Variants in ZNF785 observed in about 807,000 individuals in gnomAD.
The protein encoded by ZNF785 is zinc finger protein 785.
Under a neutral mutation model 11.3 loss-of-function variants are expected in ZNF785, and 15 were observed. That is an observed-to-expected ratio of 1.32 (90% CI 0.89 to 2.04). ZNF785 has a LOEUF of 2.04. Among genes scored for constraint, ZNF785 ranks in the 30% most tolerant of loss-of-function variants. The pLI is 0.00. For missense variants in ZNF785, 572 were observed against 560.9 expected (o/e 1.02, Z -0.20); for synonymous variants, 221 against 231.0 (o/e 0.96, Z 0.39).
chr16:30,579,753 G>A (rs1205795488), downstream of ZNF785: 1 of 453,128 alleles, frequency 2.2e-6, no homozygotes, highest in African/African-American at 2.0e-5. Context: ...TTGAGTCACT[G>A]ACCACCAGTC....
At chr16:30,578,977 G>A (rs1408667946), downstream of ZNF785, 1 of 151,452 alleles carries the variant, frequency 6.6e-6, no homozygotes, top group South Asian at 2.1e-4. Flanking sequence ...ATTTTTAGTA[G>A]AAATGAGGTC....
rs1432945421 is a variant in ZNF785 at position 30,583,161 on chromosome 16, T to A, written c.617A>T (p.Gln206Leu). The change falls in exon 3 of 3, where the codon CAG becomes CTG. Residue 206 changes from glutamine to leucine, a missense_variant. Physicochemically the swap from Gln to Leu is moderately radical, Grantham distance 113. Transcript: ENST00000395216. ...GTACCTGCGCTGGGAGAAACGCGCC[T>A]GACACTGGCCGCAGGAGAAGGGCCG... Reference protein sequence around the residue: ...GERPFSCGQCQARFSQRRYLL... With the variant: ...GERPFSCGQCLARFSQRRYLL... 6.2e-7 allele frequency: 1 copy of A among 1,613,422 alleles called. No individual in the cohort carries two copies.
Position 30,585,318 on chromosome 16 carries a change from C to A in ZNF785, c.206-68G>T. On this transcript the variant is annotated intron_variant, in intron 1 of 2. Transcript: ENST00000395216. The surrounding 1 kb of genome is among the most constrained non-coding windows in gnomAD (Gnocchi z 4.0). ...GGAGAATGAGACTGCTCCCTCGGCG[C>A]CCCGCTTCCAGCCCACTAGCCTCTG... The A allele has an allele frequency of 2.5e-6, 4 of 1,588,122 alleles. No individual in the cohort carries two copies. The highest frequency in any genetic ancestry group is 3.4e-6 in the Non-Finnish European group (4 of 1,168,408).
intron 2 of ZNF785, among the ~76,000 whole-genome samples, chr16:30,584,468 G>A (rs1391568600): frequency 2.0e-5 from 3 of 152,082 alleles, no homozygotes; most frequent in African/African-American, 7.2e-5. Context: ...TGGCCAAGAT[G>A]GTGAAAGCCC....
In ZNF785 at chr16:30,582,587, A is replaced by C. The variant is rs753883544; in HGVS notation, c.1191T>G (p.Phe397Leu). 4.3e-6 allele frequency: 7 copies of C among 1,614,074 alleles called. No individual in the cohort carries two copies. The South Asian group carries it at 6.6e-5, about 15-fold the overall frequency. The change falls in exon 3 of 3, where the codon TTT (phenylalanine) becomes TTG (leucine). Residue 397 changes from phenylalanine (F) to leucine (L), a missense_variant. Physicochemically the swap from Phe to Leu is conservative, Grantham distance 22 (BLOSUM62 0). Transcript: ENST00000395216. ...GKDPPVHFRHFPDIFQECG is the reference protein window; with the variant it reads ...GKDPPVHFRHLPDIFQECG Reference sequence around the variant, plus strand: ...ACCCACACTCTTGAAATATATCTGGAAAGTGCCGGAAGTGAACTGGGGGAT... The same window carrying C: ...ACCCACACTCTTGAAATATATCTGGCAAGTGCCGGAAGTGAACTGGGGGAT...
downstream of ZNF785, chr16:30,578,654 G>C (rs998769196): frequency 2.6e-5 from 4 of 152,168 alleles, no homozygotes; most frequent in African/African-American, 9.7e-5. Flanking sequence ...CTCCCGAGTA[G>C]CTGTGATTAC....
chr16:30,583,568 A>G (rs2051851084), intron 2 of ZNF785, 125 bp from the exon 3 acceptor site: 2 of 1,327,962 alleles, frequency 1.5e-6, no homozygotes, highest in African/African-American at 2.9e-5. Flanking sequence ...GGAATGGTTC[A>G]GAATATGGCG....
rs772341927 is a variant in ZNF785, at chr16:30,583,038, C to G, written c.740G>C (p.Arg247Thr). Residue 247 changes from arginine (R) to threonine (T), a missense_variant, in exon 3 of 3, where the codon AGG becomes ACG. Coordinates refer to ENST00000395216, the MANE Select transcript of ZNF785 (RefSeq NM_152458.7). ...AGGCTTCTCCCCGGTGTGAGCCCGC[C>G]TGTGGATAGCCAGGGAACCCCTCTG... Reference protein sequence around the residue: ...FRQRGSLAIHRRAHTGEKPYA... With the variant: ...FRQRGSLAIHTRAHTGEKPYA... 14 of 1,613,834 alleles carry G rather than the reference C, an allele frequency of 8.7e-6. No individual in the cohort carries two copies. In the East Asian group the frequency reaches 3.1e-4, roughly 36 times the overall value.
chr16:30,585,029 G>T lies in ZNF785; in HGVS notation c.334+93C>A. The T allele has an allele frequency of 6.7e-7, 1 of 1,498,298 alleles. No individual in the cohort carries two copies. Among genetic ancestry groups the T allele is most frequent in the South Asian group, 1.3e-5 (1 of 76,162 alleles). The allele number at this position is 1,498,298 out of a possible 1,614,324, so 92.8% of individuals were successfully genotyped here. A position where few individuals can be genotyped will look rare whatever the true frequency, so the allele number is the denominator to read the frequency against. ...GGGGTAGGGTGCAGGGAGACAGGATGGGACTTTGGAGGGGGCAGCCTGCGC... is the reference window on the plus strand; with the variant it reads ...GGGGTAGGGTGCAGGGAGACAGGATTGGACTTTGGAGGGGGCAGCCTGCGC... On this transcript the variant is annotated intron_variant, in intron 2 of 2. Transcript: ENST00000395216. This position sits in a 1 kb window ranked among gnomAD's most constrained non-coding sequence, Gnocchi z 4.0.
chr16:30,579,170 C>T (rs2151234738), downstream of ZNF785: 1 of 152,468 alleles, frequency 6.6e-6, no homozygotes, highest in Non-Finnish European at 1.5e-5. Flanking sequence ...CTGCAACTTA[C>T]TTTGAAATAC....
At position 30,583,202 on chromosome 16, in the gene ZNF785, C is replaced by T. The variant is rs2051844224; in HGVS notation, c.576G>A (p.Arg192=). 1 of 1,613,566 alleles carries T rather than the reference C, an allele frequency of 6.2e-7. No homozygotes were observed. The change falls in exon 3 of 3, where the codon CGG becomes CGA. Residue 192 remains arginine, a synonymous_variant. Transcript: ENST00000395216. ...AGAAGGGCCGCTCCCCGGAGTGGAC[C>T]CGCTGGTGGCTGGCCAGGAGGGAAG... ...SYPSLLASHQ[R]VHSGERPFSC...
At position 30,582,907 on chromosome 16, in the gene ZNF785, G is replaced by C. The variant is rs2051835679; in HGVS notation, c.871C>G (p.Leu291Val). 6.2e-7 allele frequency: 1 copy of C among 1,613,304 alleles called. No homozygotes were observed. The highest frequency in any genetic ancestry group is 8.5e-7 in the Non-Finnish European group (1 of 1,179,904). Residue 291 changes from leucine (L) to valine (V), a missense_variant, in exon 3 of 3, where the codon CTC (leucine) becomes GTC (valine). By Grantham distance (32) the Leu-to-Val change is conservative. Transcript: ENST00000395216. ...EKPYSCPDCS[L>V]RFAYTSLLAI... ...AGCAGGGAGGTGTAGGCGAAACGGA[G>C]GCTGCAATCGGGGCAGCTGTAGGGC...
intron 2 of ZNF785, 40 bp from the exon 3 acceptor site, chr16:30,583,483 G>A: frequency 6.6e-7 from 1 of 1,517,290 alleles, no homozygotes; most frequent in African/African-American, 1.4e-5. Context: ...ACTCATCCCT[G>A]GATCCTGAGA....
Position 30,582,632 on chromosome 16 carries a change from G to A in ZNF785, c.1146C>T (p.Ile382=), listed in dbSNP as rs1308822338. 3 of 1,614,076 alleles carry A rather than the reference G, an allele frequency of 1.9e-6. No homozygotes were observed. In the African/African-American group the frequency reaches 4.0e-5, roughly 22 times the overall value. ...GGGGATCCTTGCCTCCCAAAACAGG[G>A]ATGGGCTCTGAACGCCCCACCACGG... The part of the protein sequence containing the change: ...QQAVVGRSEP[I]PVLGGKDPPV... The change falls in exon 3 of 3, where the codon ATC becomes ATT. Residue 382 remains isoleucine, a synonymous_variant. Transcript: ENST00000395216.
At chr16:30,580,176 C>T (rs979935740), downstream of ZNF785, among the ~76,000 whole-genome samples, 4 of 146,810 alleles carry the variant, frequency 2.7e-5, no homozygotes, top group Non-Finnish European at 4.5e-5. Flanking sequence ...CGTGAGCCAC[C>T]ACACCAGGCC....
At position 30,580,934 on chromosome 16, in the gene ZNF785, A is replaced by C. The variant is rs1465596978; in HGVS notation, c.*1626T>G. 1 of 151,950 alleles carries C rather than the reference A, an allele frequency of 6.6e-6. No homozygotes were observed. Among genetic ancestry groups the C allele is most frequent in the African/African-American group, 2.4e-5 (1 of 41,364 alleles). 9.4% of individuals were successfully genotyped at this position (151,950 alleles called of 1,614,324 possible). A position where few individuals can be genotyped will look rare whatever the true frequency, so the allele number is the denominator to read the frequency against. On this transcript the variant is annotated 3_prime_UTR_variant, in exon 3 of 3. Transcript: ENST00000395216. ...TGTAATCCCAGAACTTTGGGAGGCC[A>C]AGTCGGGTGGATCACCTGAGGTCAG...
In ZNF785 at chr16:30,583,004, G is replaced by A. The variant is rs373221816; in HGVS notation, c.774C>T (p.Cys258=). The change falls in exon 3 of 3, where the codon TGC becomes TGT. Residue 258 remains cysteine, a synonymous_variant. Transcript: ENST00000395216. ...AAGTGAAGCGACTCTTGCAGTCTGA[G>A]CACGCGTAAGGCTTCTCCCCGGTGT... ...RAHTGEKPYA[C]SDCKSRFTYP... is the part of the protein sequence containing the mutation. 4.3e-6 allele frequency: 7 copies of A among 1,613,898 alleles called. No individual in the cohort carries two copies. The African/African-American group carries it at 9.4e-5, about 22-fold the overall frequency.
Position 30,582,302 on chromosome 16 carries a change from A to T in ZNF785, c.*258T>A. 1 of 530,440 alleles carries T rather than the reference A, an allele frequency of 1.9e-6. No homozygotes were observed. Among genetic ancestry groups the T allele is most frequent in the Non-Finnish European group, 3.4e-6 (1 of 297,858 alleles). 32.9% of individuals were successfully genotyped at this position (530,440 alleles called of 1,614,324 possible). A position where few individuals can be genotyped will look rare whatever the true frequency, so the allele number is the denominator to read the frequency against. ...AACAATCATGAAGGAAAAGCCAGTT[A>T]GGTGAATGGTTTTCAGTGAAGGATG... On this transcript the variant is annotated 3_prime_UTR_variant, in exon 3 of 3. Transcript: ENST00000395216.
Position 30,582,400 on chromosome 16 carries a change from C to A in ZNF785, c.*160G>T, listed in dbSNP as rs2051822051. Reference sequence around the variant, plus strand: ...CAACCCCCAGGCACCTTTTCAGATTCCTGCCTCCTCCCCACAGCCCTCTGT... The same window carrying A: ...CAACCCCCAGGCACCTTTTCAGATTACTGCCTCCTCCCCACAGCCCTCTGT... On this transcript the variant is annotated 3_prime_UTR_variant, in exon 3 of 3. Coordinates refer to ENST00000395216, the MANE Select transcript of ZNF785 (RefSeq NM_152458.7). The A allele has an allele frequency of 9.3e-7, 1 of 1,073,970 alleles. No homozygotes were observed. The highest frequency in any genetic ancestry group is 1.3e-6 in the Non-Finnish European group (1 of 768,602). 66.5% of individuals were successfully genotyped at this position (1,073,970 alleles called of 1,614,324 possible). A position where few individuals can be genotyped will look rare whatever the true frequency, so the allele number is the denominator to read the frequency against.
Sources: allele counts gnomAD v4.1 joint callset (sites outside exome capture counted in the v4.1 genomes callset), GRCh38; gene constraint gnomAD v4.1.1; non-coding constraint Gnocchi (gnomAD v3.1); transcripts MANE v1.5; gene names NCBI Gene and HGNC (gene_info 2026-07-23, HGNC 2026-07-21).